The following NCKAP5 variants were observed in gnomAD, a reference collection of about 807,000 sequenced individuals.
NCKAP5 encodes the protein NCK associated protein 5.
A neutral mutation model predicts 167.0 loss-of-function variants in NCKAP5; 92 were observed. The ratio of observed to expected loss-of-function variants is 0.55; its 90% confidence interval spans 0.47 to 0.66. NCKAP5 has a LOEUF of 0.66. Among genes scored for constraint, NCKAP5 ranks in the 30% least tolerant of loss-of-function variants. The pLI is 0.00. For missense variants in NCKAP5, 2,378 were observed against 2,315.0 expected (o/e 1.03, Z -0.56); for synonymous variants, 891 against 877.4 (o/e 1.02, Z -0.27).
At position 133,452,704 on chromosome 2, in the gene NCKAP5, C is replaced by T. The variant is rs544097810; in HGVS notation, c.69+64754G>A. On this transcript the variant is annotated intron_variant, in intron 3 of 19. Coordinates refer to ENST00000409261, the MANE Select transcript of NCKAP5 (RefSeq NM_207363.3). ...AATCAATCCTTAAATCCATTCAGAA[C>T]AAGATTGACGCATCAGGAGTTAGAC... Among the ~76,000 whole-genome samples, 10 of 152,208 alleles carry T rather than the reference C, an allele frequency of 6.6e-5. No homozygotes were observed. The East Asian group carries it at 1.9e-3, about 29-fold the overall frequency.
the NCKAP5 span, among the ~76,000 whole-genome samples, chr2:133,602,632 T>A: frequency 2.0e-5 from 3 of 152,192 alleles, no homozygotes; most frequent in Non-Finnish European, 4.4e-5. Flanking sequence ...CTGGGCTAAG[T>A]CTTGTTTTAC....
chr2:133,612,779 C>G, the NCKAP5 span, among the ~76,000 whole-genome samples: 1 of 152,266 alleles, frequency 6.6e-6, no homozygotes, highest in East Asian at 1.9e-4. Flanking sequence ...CAAATGAATA[C>G]TAAGAACTAC....
At chr2:133,482,475 C>T (rs1054296354) in intron 3 of NCKAP5, among the ~76,000 whole-genome samples, 1 of 152,178 alleles carries the variant, frequency 6.6e-6, no homozygotes, top group Admixed American at 6.5e-5. Flanking sequence ...GCCTTGGCCT[C>T]CCAGTGTCCT....
At chr2:133,255,880 C>T (rs981199605) in intron 4 of NCKAP5, among the ~76,000 whole-genome samples, 8 of 152,084 alleles carry the variant, frequency 5.3e-5, no homozygotes, top group Non-Finnish European at 1.2e-4. Flanking sequence ...AATTAATGAA[C>T]AAATTATGTG....
In NCKAP5 at chr2:132,856,854, C is replaced by T. The variant is rs192708391; in HGVS notation, c.807+3638G>A. Among the ~76,000 whole-genome samples the T allele has an allele frequency of 4.0e-3, 607 of 152,274 alleles. 2 individuals carry two copies. The highest frequency in any genetic ancestry group is 6.3e-3 in the Non-Finnish European group (428 of 68,018). On this transcript the variant is annotated intron_variant, in intron 11 of 19. Coordinates refer to ENST00000409261, the MANE Select transcript of NCKAP5 (RefSeq NM_207363.3). ...TGTCCTCTTACTCATTTATGTTCCACGCAGAGGGAGCACCAATTGGAGGCG... is the reference window on the plus strand; with the variant it reads ...TGTCCTCTTACTCATTTATGTTCCATGCAGAGGGAGCACCAATTGGAGGCG...
chr2:132,864,434 T>C lies in NCKAP5; in HGVS notation c.688-3823A>G, dbSNP rs138524194. 9.1e-3 allele frequency among the ~76,000 whole-genome samples: 1,392 copies of C among 152,252 alleles called. 22 individuals carry two copies. The highest frequency in any genetic ancestry group is 0.032 in the African/African-American group (1,327 of 41,538). On this transcript the variant is annotated intron_variant, in intron 10 of 19. Coordinates refer to ENST00000409261, the MANE Select transcript of NCKAP5 (RefSeq NM_207363.3). ...CTTGCACTCTTCATGTTACTATCAA[T>C]TGGAAACAGAGACTTAAGAGATTAC...
At chr2:132,869,056 G>C in intron 9 of NCKAP5, 82 bp from the exon 10 acceptor site, 1 of 1,008,424 alleles carries the variant, frequency 9.9e-7, no homozygotes, top group Non-Finnish European at 1.4e-6. Flanking sequence ...TAAGTTTCTC[G>C]CAGCTTATTG....
chr2:133,592,024 G>A, the NCKAP5 span, among the ~76,000 whole-genome samples: 8 of 150,454 alleles, frequency 5.3e-5, no homozygotes, highest in African/African-American at 9.8e-5. Flanking sequence ...ACAAATGCAC[G>A]TTTATTCTTT....
At position 132,785,614 on chromosome 2, in the gene NCKAP5, G is replaced by A; in HGVS notation, c.1197C>T (p.Ser399=). The A allele has an allele frequency of 6.4e-7, 1 of 1,567,796 alleles. No homozygotes were observed. The highest frequency in any genetic ancestry group is 8.6e-7 in the Non-Finnish European group (1 of 1,160,374). The change falls in exon 14 of 20, where the codon AGC becomes AGT. Residue 399 remains serine (S), a synonymous_variant. Transcript: ENST00000409261. The part of the protein sequence containing the change: ...NELPPTRIKE[S]HILEGLRKLQ... ...GCTTTCTTAGCCCTTCCAAAATGTG[G>A]CTTTCCTTGATACGAGTTGGAGGTA... is the stretch of plus-strand genomic sequence containing the variant.
At chr2:133,132,178 C>T (rs1414422060) in intron 5 of NCKAP5, among the ~76,000 whole-genome samples, 5 of 151,576 alleles carry the variant, frequency 3.3e-5, no homozygotes, top group Non-Finnish European at 7.4e-5. Context: ...ATGCCAGCTA[C>T]TCGGGAGGCT....
At chr2:133,258,365 T>G (rs937068191) in intron 4 of NCKAP5, among the ~76,000 whole-genome samples, 2 of 152,128 alleles carry the variant, frequency 1.3e-5, no homozygotes, top group Non-Finnish European at 2.9e-5. Flanking sequence ...CAACATCACC[T>G]CTGACTCAAA....
At chr2:132,914,091 A>C (rs1023328904) in intron 8 of NCKAP5, among the ~76,000 whole-genome samples, 1 of 152,158 alleles carries the variant, frequency 6.6e-6, no homozygotes, top group African/African-American at 2.4e-5. Context: ...GCATACATCA[A>C]TTTCTACACA....
intron 6 of NCKAP5, chr2:133,123,133 C>T (rs549341636): frequency 3.3e-5 from 5 of 152,338 alleles, no homozygotes; most frequent in South Asian, 4.1e-4. Flanking sequence ...ATGACTTTCA[C>T]GTTGTCTACT....
At chr2:132,891,178 G>T (rs1692671044) in intron 8 of NCKAP5, among the ~76,000 whole-genome samples, 1 of 152,148 alleles carries the variant, frequency 6.6e-6, no homozygotes, top group East Asian at 1.9e-4. Flanking sequence ...GTTTGGATGG[G>T]GCTTCAGGCC....
chr2:132,782,350 G>C lies in NCKAP5; in HGVS notation c.4461C>G (p.Gly1487=). ...MLCIQENVEK[G]QVQTKPTSVE... is the part of the protein sequence containing the mutation. ...CAGAGGTGGGCTTTGTTTGCACTTGGCCCTTTTCCACATTTTCCTGAATGC... is the reference window on the plus strand; with the variant it reads ...CAGAGGTGGGCTTTGTTTGCACTTGCCCCTTTTCCACATTTTCCTGAATGC... Residue 1487 remains glycine (G), a synonymous_variant, in exon 14 of 20, where the codon GGC becomes GGG. Coordinates refer to ENST00000409261, the MANE Select transcript of NCKAP5 (RefSeq NM_207363.3). 6.2e-7 allele frequency: 1 copy of C among 1,613,992 alleles called. No homozygotes were observed. The highest frequency in any genetic ancestry group is 8.5e-7 in the Non-Finnish European group (1 of 1,179,898).
At chr2:133,619,229 G>A in the NCKAP5 span, among the ~76,000 whole-genome samples, 4 of 147,950 alleles carry the variant, frequency 2.7e-5, no homozygotes, top group Non-Finnish European at 3.0e-5. Context: ...TGGGTGCAGC[G>A]CACCAGCATG....
At chr2:132,894,349 C>T (rs370087401) in intron 8 of NCKAP5, among the ~76,000 whole-genome samples, 2 of 152,066 alleles carry the variant, frequency 1.3e-5, no homozygotes, top group African/African-American at 2.4e-5. Context: ...TCCGCCAGGG[C>T]GATAAGGTCT....
At chr2:133,599,774 C>A in the NCKAP5 span, among the ~76,000 whole-genome samples, 1 of 152,172 alleles carries the variant, frequency 6.6e-6, no homozygotes, top group Non-Finnish European at 1.5e-5. Context: ...GCCGGGAGAG[C>A]ATGAGGAGCG....
chr2:132,725,569 A>G (rs1690368862), intron 19 of NCKAP5, 58 bp downstream of exon 19: 9 of 1,551,132 alleles, frequency 5.8e-6, no homozygotes, highest in African/African-American at 1.4e-5. Flanking sequence ...TGAAAGGTAT[A>G]ATCAGCGGCT....
Sources: allele counts gnomAD v4.1 joint callset (sites outside exome capture counted in the v4.1 genomes callset), GRCh38; gene constraint gnomAD v4.1.1; transcripts MANE v1.5; gene names NCBI Gene and HGNC (gene_info 2026-07-23, HGNC 2026-07-21).